BFSP1: variants seen among roughly 807,000 people sequenced by gnomAD.
BFSP1 encodes the protein beaded filament structural protein 1.
A neutral mutation model predicts 43.9 loss-of-function variants in BFSP1; 38 were observed. The observed-to-expected ratio is 0.87, with a 90% CI of 0.67 to 1.14. The LOEUF (loss-of-function observed/expected upper bound fraction) is 1.14, where lower values mean the gene tolerates loss of function less well. BFSP1 is among the 50% of genes most tolerant of loss of function. BFSP1 has a pLI of 0.00. For missense variants in BFSP1, 850 were observed against 875.1 expected (o/e 0.97, Z 0.36); for synonymous variants, 352 against 354.8 (o/e 0.99, Z 0.09).
chr20:17,495,189 GGCT>G (rs1568677101), intron 7 of BFSP1, among the ~76,000 whole-genome samples, 160 bp from the exon 8 acceptor site: 4 of 152,218 alleles, frequency 2.6e-5, no homozygotes, highest in Admixed American at 6.5e-5. Context: ...GAAAGGCCCT[GGCT>G]TTGTTGCTCC....
At position 17,494,336 on chromosome 20, in the gene BFSP1, C is replaced by G. The variant is rs777440930; in HGVS notation, c.1736G>C (p.Gly579Ala). Residue 579 changes from glycine to alanine, a missense_variant, in exon 8 of 8, where the codon GGT becomes GCT. Physicochemically the swap from Gly to Ala is moderately conservative, Grantham distance 60. Transcript: ENST00000377873. ...SRRPCAMVTP[G>A]AEEPSIPEPP... ...CTCAGGTATAGATGGTTCCTCTGCA[C>G]CGGGTGTGACCATGGCACAGGGTCT... 6.8e-6 allele frequency: 11 copies of G among 1,614,126 alleles called. No homozygotes were observed. Among genetic ancestry groups the G allele is most frequent in the Non-Finnish European group, 9.3e-6 (11 of 1,179,980 alleles).
chr20:17,558,830 A>G, exon 1 of BFSP1: 3 of 1,290,778 alleles, frequency 2.3e-6, no homozygotes, highest in Non-Finnish European at 3.1e-6. Flanking sequence ...CTGGGCTGAG[A>G]AAGAAAGGAG....
intron 2 of BFSP1, among the ~76,000 whole-genome samples, chr20:17,522,872 C>T (rs1013492876): frequency 6.6e-6 from 1 of 152,240 alleles, no homozygotes; most frequent in Non-Finnish European, 1.5e-5. Context: ...GGCCCACAGT[C>T]TCACAGATGC....
intron 1 of BFSP1, among the ~76,000 whole-genome samples, chr20:17,550,145 A>G (rs2424082): frequency 0.56 from 85,697 of 152,006 alleles, 24,802 homozygotes; most frequent in East Asian, 0.87. Context: ...CAGGAAAGGG[A>G]TCCTGACCCA....
intron 7 of BFSP1, 116 bp downstream of exon 7, chr20:17,496,822 A>T: frequency 1.0e-6 from 1 of 975,022 alleles, no homozygotes; most frequent in Non-Finnish European, 1.5e-6. Flanking sequence ...CTTCACATAA[A>T]AGCATTTAAT....
chr20:17,504,281 A>G (rs1168688637), intron 5 of BFSP1, among the ~76,000 whole-genome samples: 1 of 152,190 alleles, frequency 6.6e-6, no homozygotes, highest in Admixed American at 6.5e-5. Flanking sequence ...ATAAAAGTGG[A>G]CTGATGTCTA....
intron 1 of BFSP1, chr20:17,558,546 A>C: frequency 3.6e-6 from 3 of 840,786 alleles, no homozygotes; most frequent in Non-Finnish European, 5.5e-6. Flanking sequence ...TTATCATTTT[A>C]GAAATTTCCA....
intron 6 of BFSP1, among the ~76,000 whole-genome samples, chr20:17,498,506 C>T (rs2033710323): frequency 6.6e-6 from 1 of 152,158 alleles, no homozygotes; most frequent in Admixed American, 6.5e-5. Context: ...CACTTATGTC[C>T]CCAGAGGCCT....
intron 1 of BFSP1, among the ~76,000 whole-genome samples, chr20:17,530,296 G>A (rs959746310): frequency 2.0e-5 from 3 of 152,204 alleles, no homozygotes; most frequent in African/African-American, 7.2e-5. Flanking sequence ...TTCCAGTCCC[G>A]GGACAGCAGT....
intron 1 of BFSP1, among the ~76,000 whole-genome samples, chr20:17,547,826 G>A (rs1021307036): frequency 6.7e-6 from 1 of 148,700 alleles, no homozygotes; most frequent in East Asian, 2.2e-4. Flanking sequence ...TGCCTCACAG[G>A]CTCAATCAAT....
At chr20:17,557,625 C>G (rs1309909005) in intron 1 of BFSP1, among the ~76,000 whole-genome samples, 1 of 152,196 alleles carries the variant, frequency 6.6e-6, no homozygotes, top group Non-Finnish European at 1.5e-5. Context: ...GGTCTCTTGC[C>G]TGGGACCTTC....
chr20:17,527,175 A>G (rs1239310681), intron 1 of BFSP1, among the ~76,000 whole-genome samples: 7 of 152,274 alleles, frequency 4.6e-5, no homozygotes, highest in East Asian at 3.8e-4. Context: ...ACATCTCTGC[A>G]TAAGTTTTAC....
intron 1 of BFSP1, among the ~76,000 whole-genome samples, chr20:17,527,175 A>AT (rs559301572): frequency 1.2e-4 from 19 of 152,274 alleles, no homozygotes; most frequent in Non-Finnish European, 2.5e-4. Flanking sequence ...ACATCTCTGC[A>AT]TAAGTTTTAC....
intron 4 of BFSP1, among the ~76,000 whole-genome samples, chr20:17,511,251 A>G (rs1295564551): frequency 2.6e-5 from 4 of 152,212 alleles, no homozygotes; most frequent in Admixed American, 6.5e-5. Context: ...GTAATTTTTC[A>G]TATCCAAATC....
chr20:17,531,028 TC>T lies in BFSP1; in HGVS notation c.301del (p.Asp101ThrfsTer37). 2 of 1,423,578 alleles carry T rather than the reference TC, an allele frequency of 1.4e-6. No homozygotes were observed. Among genetic ancestry groups the T allele is most frequent in the Non-Finnish European group, 9.2e-7 (1 of 1,092,388 alleles). The allele number at this position is 1,423,578 out of a possible 1,614,324, so 88.2% of individuals were successfully genotyped here. ...CAGCCGGGCGCGCTCGGCCTCCAGG[TC>T]CCGGACGCGCTGGCGGTTGCTCTCG... The part of the protein sequence containing the change: ...QVESNRQRVR[D>X]LEAERARLER... On this transcript the variant is annotated frameshift_variant, in exon 1 of 8. Coordinates refer to ENST00000377873, the MANE Select transcript of BFSP1 (RefSeq NM_001195.5). LOFTEE classifies it high-confidence loss of function.
chr20:17,539,866 T>G (rs2034688890), intron 1 of BFSP1, among the ~76,000 whole-genome samples: 1 of 152,236 alleles, frequency 6.6e-6, no homozygotes, highest in African/African-American at 2.4e-5. Context: ...AGGGACTGAT[T>G]GAACACAAGA....
At chr20:17,558,620 T>G in intron 1 of BFSP1, 1 of 1,503,464 alleles carries the variant, frequency 6.7e-7, no homozygotes. Context: ...TTTCCTAGAG[T>G]TCTTTAAAGC....
Position 17,509,071 on chromosome 20 carries a change from G to A in BFSP1, c.628-75C>T, listed in dbSNP as rs971683206. 2.4e-5 allele frequency: 27 copies of A among 1,111,406 alleles called. No individual in the cohort carries two copies. In the African/African-American group the frequency reaches 4.2e-4, roughly 17 times the overall value. 68.8% of individuals were successfully genotyped at this position (1,111,406 alleles called of 1,614,324 possible). On this transcript the variant is annotated intron_variant, in intron 4 of 7. Transcript: ENST00000377873. ...AGGGCAGAGAAGGTGCGGGGCCCTGGTATGGACGGAATATCCGTGTCCCCC... is the reference window on the plus strand; with the variant it reads ...AGGGCAGAGAAGGTGCGGGGCCCTGATATGGACGGAATATCCGTGTCCCCC...
At chr20:17,518,464 A>G (rs924214656) in intron 2 of BFSP1, among the ~76,000 whole-genome samples, 3 of 152,184 alleles carry the variant, frequency 2.0e-5, no homozygotes, top group African/African-American at 7.2e-5. Flanking sequence ...TTCTTCCAGA[A>G]GGCGTGCGCT....
Sources: allele counts gnomAD v4.1 joint callset (sites outside exome capture counted in the v4.1 genomes callset), GRCh38; gene constraint gnomAD v4.1.1; transcripts MANE v1.5; gene names NCBI Gene and HGNC (gene_info 2026-07-23, HGNC 2026-07-21).